The following MGST1 variants were observed in gnomAD, a reference collection of about 807,000 sequenced individuals.
MGST1 encodes glutathione S-transferase 12.
In MGST1, 5 loss-of-function variants were observed where a neutral mutation model predicts 8.9. The ratio of observed to expected loss-of-function variants is 0.56; its 90% CI spans 0.29 to 1.19. MGST1 has a LOEUF of 1.19. Ranked by LOEUF, MGST1 falls within the 50% of genes most tolerant of loss-of-function variation. The probability of loss-of-function intolerance (pLI) is 0.08; values close to 1 mark genes in which losing one functional copy is unlikely to be tolerated. For missense variants in MGST1, 182 were observed against 187.4 expected (o/e 0.97, Z 0.17); for synonymous variants, 54 against 67.8 (o/e 0.80, Z 1.00).
At chr12:16,367,137 A>T (rs555566535), downstream of MGST1, among the ~76,000 whole-genome samples, 1 of 152,140 alleles carries the variant, frequency 6.6e-6, no homozygotes, top group South Asian at 2.1e-4. Flanking sequence ...TAAAAATTCT[A>T]TTTACTCTGG....
intron 4 of MGST1, among the ~76,000 whole-genome samples, chr12:16,561,560 T>C (rs1045609183): frequency 2.0e-5 from 3 of 152,204 alleles, no homozygotes; most frequent in East Asian, 3.8e-4. Context: ...AGAAAACTCA[T>C]TTTGGTTATA....
At chr12:16,540,565 G>C (rs1941786848) in intron 4 of MGST1, among the ~76,000 whole-genome samples, 1 of 152,254 alleles carries the variant, frequency 6.6e-6, no homozygotes, top group African/African-American at 2.4e-5. Context: ...TATAGACAGA[G>C]GAAGCTATAG....
In MGST1 at chr12:16,397,860, AT is replaced by A. The variant is rs201859857; in HGVS notation, n.778+14257del. 1.2e-3 allele frequency among the ~76,000 whole-genome samples: 186 copies of A among 149,524 alleles called. 2 individuals are homozygous for A. In the East Asian group the frequency reaches 0.031, roughly 25 times the overall value. The stretch of plus-strand genomic sequence containing the variant: ...AAATTTAATAATAAATATTTAATAT[AT>A]ATTTTAGTGTCAACTAAACTAAATA... On this transcript the variant is annotated intron_variant and non_coding_transcript_variant, in intron 1 of 1. Coordinates refer to the MGST1 transcript ENST00000359720.
intron 4 of MGST1, among the ~76,000 whole-genome samples, chr12:16,565,804 A>G (rs895149978): frequency 1.3e-5 from 2 of 151,284 alleles, no homozygotes; most frequent in Non-Finnish European, 2.9e-5. Flanking sequence ...AAAAAATTAA[A>G]AACAGAACTA....
intron 1 of MGST1, among the ~76,000 whole-genome samples, chr12:16,411,624 T>A (rs1940743866): frequency 6.6e-6 from 1 of 152,140 alleles, no homozygotes; most frequent in South Asian, 2.1e-4. Flanking sequence ...TGGTGGGGCT[T>A]CAGATCCTGT....
At chr12:16,465,416 G>A (rs78261106) in intron 4 of MGST1, among the ~76,000 whole-genome samples, 14,733 of 152,158 alleles carry the variant, frequency 0.097, 956 homozygotes, top group Non-Finnish European at 0.14. Flanking sequence ...CCAGTTGACC[G>A]GTACTGGTCC....
chr12:16,478,796 GT>G (rs765216592), intron 4 of MGST1, among the ~76,000 whole-genome samples: 1 of 151,906 alleles, frequency 6.6e-6, no homozygotes, highest in East Asian at 1.9e-4. Flanking sequence ...TCTCTTAAAT[GT>G]TTTTTTAGTT....
rs112990415 is a variant in MGST1 at position 16,388,348 on chromosome 12, G to A, written n.778+4744G>A. Among the ~76,000 whole-genome samples the A allele has an allele frequency of 6.3e-3, 961 of 152,178 alleles. 14 individuals are homozygous for A. The highest frequency in any genetic ancestry group is 0.022 in the African/African-American group (927 of 41,538). On this transcript the variant is annotated intron_variant and non_coding_transcript_variant, in intron 1 of 1. Coordinates refer to the MGST1 transcript ENST00000359720. ...CTTGCAGGATTGGAAGTTGCTGTGGGTGTCAGTGAGTGAGTGGGGAGTGAA... is the reference window on the plus strand; with the variant it reads ...CTTGCAGGATTGGAAGTTGCTGTGGATGTCAGTGAGTGAGTGGGGAGTGAA...
At position 16,560,854 on chromosome 12, in the gene MGST1, G is replaced by T. The variant is rs1942378393; in HGVS notation, n.483-28674G>T. On this transcript the variant is annotated intron_variant and non_coding_transcript_variant, in intron 4 of 4. Coordinates refer to the MGST1 transcript ENST00000538857. This position sits in a 1 kb window ranked among gnomAD's most constrained non-coding sequence, Gnocchi z 5.0. ...AAAAATCTCTGGGTTAGAGTATATA[G>T]AAAATATAAAAGCAATATAACTTTG... 3 of 330,414 alleles carry T rather than the reference G, an allele frequency of 9.1e-6. No homozygotes were observed. The South Asian group carries it at 9.3e-5, about 10-fold the overall frequency. The allele number at this position is 330,414 out of a possible 1,614,324, so 20.5% of individuals were successfully genotyped here.
chr12:16,366,617 A>T (rs898627271), downstream of MGST1, among the ~76,000 whole-genome samples: 7 of 102,540 alleles, frequency 6.8e-5, no homozygotes, highest in Non-Finnish European at 1.3e-4. The surrounding 1 kb of genome is among the most constrained non-coding windows in gnomAD (Gnocchi z 4.0). Context: ...ATCTGCATGC[A>T]TATCTGTGTG....
intron 1 of MGST1, among the ~76,000 whole-genome samples, chr12:16,418,812 A>T (rs1940807535): frequency 6.6e-6 from 1 of 152,186 alleles, no homozygotes; most frequent in Non-Finnish European, 1.5e-5. Context: ...AACTTAACAC[A>T]GTCCAGTCCA....
At chr12:16,408,772 C>G (rs879719996) in intron 1 of MGST1, among the ~76,000 whole-genome samples, 2 of 152,114 alleles carry the variant, frequency 1.3e-5, no homozygotes, top group Non-Finnish European at 2.9e-5. Flanking sequence ...AATCACCTCC[C>G]TCTCTTTTCT....
intron 4 of MGST1, among the ~76,000 whole-genome samples, chr12:16,493,179 T>G (rs1205051567): frequency 1.3e-5 from 2 of 152,198 alleles, no homozygotes; most frequent in African/African-American, 4.8e-5. Flanking sequence ...TAAATCTGCT[T>G]TATCACTGGG....
In MGST1 at chr12:16,589,431, TAGG is replaced by T. The variant is rs1943421893; in HGVS notation, n.483-96_483-94del. On this transcript the variant is annotated intron_variant and non_coding_transcript_variant, in intron 4 of 4. Coordinates refer to the MGST1 transcript ENST00000538857. This position sits in a 1 kb window ranked among gnomAD's most constrained non-coding sequence, Gnocchi z 4.2. ...TACTTGTGACTTCACAGTAAAAAAT[TAGG>T]TCGTAGTGCAGATGAAAGCCTCCGT... The T allele has an allele frequency of 1.3e-5, 2 of 152,048 alleles. No individual in the cohort carries two copies. Among genetic ancestry groups the T allele is most frequent in the African/African-American group, 4.8e-5 (2 of 41,414 alleles). 9.4% of individuals were successfully genotyped at this position (152,048 alleles called of 1,614,324 possible). A position where few individuals can be genotyped will look rare whatever the true frequency, so the allele number is the denominator to read the frequency against.
intron 4 of MGST1, among the ~76,000 whole-genome samples, chr12:16,564,462 G>T (rs1419481038): frequency 2.6e-5 from 4 of 152,180 alleles, no homozygotes; most frequent in Non-Finnish European, 5.9e-5. Flanking sequence ...GCGGACTGGG[G>T]GTAGGGAAAA....
chr12:16,423,559 A>AG lies in MGST1; in HGVS notation n.779-13829_779-13828insG, dbSNP rs1349333443. 1.3e-5 allele frequency among the ~76,000 whole-genome samples: 2 copies of AG among 151,524 alleles called. 1 individual carries two copies. The highest frequency in any genetic ancestry group is 2.9e-5 in the Non-Finnish European group (2 of 67,848). On this transcript the variant is annotated intron_variant and non_coding_transcript_variant, in intron 1 of 1. Transcript: ENST00000359720. ...TGTTGTCCCTAACCTATGTACAAAA[A>AG]AAATCCTTGTTGTCCATGCTTATTA...
At chr12:16,453,993 A>G (rs1941150116) in intron 4 of MGST1, among the ~76,000 whole-genome samples, 1 of 151,962 alleles carries the variant, frequency 6.6e-6, no homozygotes, top group East Asian at 1.9e-4. Context: ...CACAAGACAT[A>G]AGGTTAACTG....
At position 16,534,276 on chromosome 12, in the gene MGST1, G is replaced by A. The variant is rs201018728; in HGVS notation, n.483-55252G>A. The stretch of plus-strand genomic sequence containing the variant: ...AAAGTACTATGAAACACATATATTC[G>A]ATATGCACATTTGAGATAAAAGGTA... On this transcript the variant is annotated intron_variant and non_coding_transcript_variant, in intron 4 of 4. Coordinates refer to the MGST1 transcript ENST00000538857. 3.3e-5 allele frequency among the ~76,000 whole-genome samples: 5 copies of A among 152,246 alleles called. No homozygotes were observed. The East Asian group carries it at 5.8e-4, about 18-fold the overall frequency.
At chr12:16,578,842 C>CAACAACAACAACAACAAA (rs2137516755) in intron 4 of MGST1, among the ~76,000 whole-genome samples, 1 of 151,872 alleles carries the variant, frequency 6.6e-6, no homozygotes, top group East Asian at 1.9e-4. Flanking sequence ...ACAACAACAA[C>CAACAACAACAACAACAAA]AACAACAACA....
Sources: allele counts gnomAD v4.1 joint callset (sites outside exome capture counted in the v4.1 genomes callset), GRCh38; gene constraint gnomAD v4.1.1; non-coding constraint Gnocchi (gnomAD v3.1); transcripts MANE v1.5; gene names NCBI Gene and HGNC (gene_info 2026-07-23, HGNC 2026-07-21).